CLIP2: variants seen among roughly 807,000 people sequenced by gnomAD.
CLIP2 encodes the protein CAP-Gly domain-containing linker protein 2.
Under a neutral mutation model 111.7 loss-of-function variants are expected in CLIP2, and 41 were observed. The observed-to-expected ratio is 0.37, with a 90% CI of 0.29 to 0.48. The LOEUF (loss-of-function observed/expected upper bound fraction) is 0.48. CLIP2 is among the 20% of genes least tolerant of loss of function. CLIP2 has a pLI of 0.99. For missense variants in CLIP2, 1,160 were observed against 1,422.1 expected (o/e 0.82, Z 2.96); for synonymous variants, 660 against 644.2 (o/e 1.02, Z -0.37).
At chr7:74,377,314 GCCAA>G (rs1405284108) in intron 10 of CLIP2, among the ~76,000 whole-genome samples, 1 of 152,246 alleles carries the variant, frequency 6.6e-6, no homozygotes, top group African/African-American at 2.4e-5. Context: ...TAGCAACGGT[GCCAA>G]CGAGTACTTC....
intron 1 of CLIP2, among the ~76,000 whole-genome samples, chr7:74,293,977 C>T (rs1436279128): frequency 1.3e-5 from 2 of 151,604 alleles, no homozygotes; most frequent in African/African-American, 2.4e-5. Flanking sequence ...AGTGCAGTGG[C>T]ATGATCTCAG....
intron 1 of CLIP2, among the ~76,000 whole-genome samples, chr7:74,305,659 A>G (rs555163340): frequency 3.2e-4 from 48 of 152,104 alleles, no homozygotes; most frequent in Middle Eastern, 3.4e-3. Context: ...ACGCCCAGCT[A>G]ATTTTTCTAT....
chr7:74,387,982 G>A (rs1468479186), intron 12 of CLIP2, among the ~76,000 whole-genome samples: 1 of 152,120 alleles, frequency 6.6e-6, no homozygotes, highest in African/African-American at 2.4e-5. Context: ...GAGGCCAGGG[G>A]TTCGAGACCA....
intron 1 of CLIP2, among the ~76,000 whole-genome samples, chr7:74,298,356 G>GT (rs35535113): frequency 0.031 from 3,342 of 109,568 alleles, 78 homozygotes; most frequent in African/African-American, 0.055. Flanking sequence ...CTGCTAATTG[G>GT]TTTTTTTTTT....
chr7:74,297,432 G>C (rs1328536308), intron 1 of CLIP2, among the ~76,000 whole-genome samples: 1 of 151,892 alleles, frequency 6.6e-6, no homozygotes, highest in Admixed American at 6.6e-5. Flanking sequence ...AGCCATGATT[G>C]TGCTACCACC....
At chr7:74,378,870 A>T (rs1406298607) in intron 10 of CLIP2, among the ~76,000 whole-genome samples, 9 of 152,144 alleles carry the variant, frequency 5.9e-5, no homozygotes, top group Non-Finnish European at 1.5e-5. Context: ...GGTCCCTTGT[A>T]ATGGCCTTCC....
intron 12 of CLIP2, among the ~76,000 whole-genome samples, chr7:74,386,905 C>T (rs1228379456): frequency 6.6e-6 from 1 of 151,878 alleles, no homozygotes; most frequent in Non-Finnish European, 1.5e-5. Context: ...CACCTGTAAT[C>T]CCAGCTACTC....
intron 1 of CLIP2, among the ~76,000 whole-genome samples, chr7:74,315,814 C>T (rs549687044): frequency 2.0e-5 from 3 of 151,926 alleles, no homozygotes; most frequent in Non-Finnish European, 1.5e-5. Context: ...TCAGGTGATC[C>T]GCCCACCTCA....
Position 74,327,780 on chromosome 7 carries a change from C to T in CLIP2, c.121+10113C>T, listed in dbSNP as rs183894826. Among the ~76,000 whole-genome samples, 353 of 152,200 alleles carry T rather than the reference C, an allele frequency of 2.3e-3. 4 individuals are homozygous for T. Among genetic ancestry groups the T allele is most frequent in the African/African-American group, 5.3e-3 (220 of 41,528 alleles). The stretch of plus-strand genomic sequence containing the variant: ...CTGACGTGGTCCAGGATCGATCTGA[C>T]GGGGCGGGGGTCCGGCTGCCAGCAC... On this transcript the variant is annotated intron_variant, in intron 2 of 16. Coordinates refer to ENST00000223398, the MANE Select transcript of CLIP2 (RefSeq NM_003388.5).
chr7:74,373,359 G>A (rs1235410250), intron 9 of CLIP2, among the ~76,000 whole-genome samples: 5 of 152,132 alleles, frequency 3.3e-5, no homozygotes, highest in African/African-American at 7.2e-5. Flanking sequence ...TTAGCTGGGC[G>A]TGGTGGCTCA....
intron 1 of CLIP2, among the ~76,000 whole-genome samples, chr7:74,310,678 G>C (rs1269720052): frequency 6.6e-6 from 1 of 151,876 alleles, no homozygotes; most frequent in African/African-American, 2.4e-5. Flanking sequence ...TGCTTCTCTT[G>C]GGTGGTTGGG....
intron 16 of CLIP2, chr7:74,401,785 G>A (rs1488973401): frequency 1.2e-5 from 8 of 669,694 alleles, no homozygotes; most frequent in Non-Finnish European, 1.9e-5. Context: ...AAAGTTATAG[G>A]TTGGGCGCAG....
In CLIP2 at chr7:74,329,116, C is replaced by T. The variant is rs1253334039; in HGVS notation, c.122-9332C>T. ...TTTTTTTTTTTTTTTTTAGTAGAGA[C>T]GAGGTTTCACTGTGTTAGCCAGGAT... On this transcript the variant is annotated intron_variant, in intron 2 of 16. Transcript: ENST00000223398. Among the ~76,000 whole-genome samples the T allele has an allele frequency of 6.5e-5, 8 of 123,866 alleles. No individual in the cohort carries two copies. In the East Asian group the frequency reaches 9.6e-4, roughly 15 times the overall value. The allele number at this position is 123,866 out of a possible 152,430, so 81.3% of individuals were successfully genotyped here. A position where few individuals can be genotyped will look rare whatever the true frequency, so the allele number is the denominator to read the frequency against.
At chr7:74,316,581 G>A (rs1200733500) in intron 1 of CLIP2, among the ~76,000 whole-genome samples, 1 of 146,750 alleles carries the variant, frequency 6.8e-6, no homozygotes, top group African/African-American at 2.5e-5. Flanking sequence ...TTTCTTTTGA[G>A]ACAAGAGTCT....
chr7:74,316,940 G>T (rs1788792285), intron 1 of CLIP2, among the ~76,000 whole-genome samples: 1 of 152,034 alleles, frequency 6.6e-6, no homozygotes, highest in African/African-American at 2.4e-5. Flanking sequence ...CCAGGCTGGA[G>T]TGCCCTGGAG....
At chr7:74,373,820 A>G (rs143850632) in intron 9 of CLIP2, among the ~76,000 whole-genome samples, 2,237 of 152,130 alleles carry the variant, frequency 0.015, 59 homozygotes, top group African/African-American at 0.051. Flanking sequence ...TCTGGCCCAG[A>G]GAGCCTGAAA....
chr7:74,299,574 G>A (rs1788268054), intron 1 of CLIP2, among the ~76,000 whole-genome samples: 1 of 152,176 alleles, frequency 6.6e-6, no homozygotes, highest in Admixed American at 6.5e-5. Flanking sequence ...TCTGGCTGGG[G>A]CCGCTTATGC....
At chr7:74,398,029 G>A (rs1562732050) in intron 14 of CLIP2, among the ~76,000 whole-genome samples, 1 of 151,916 alleles carries the variant, frequency 6.6e-6, no homozygotes, top group Non-Finnish European at 1.5e-5. Flanking sequence ...ACGGGTTGGG[G>A]TAGGCAGGTG....
intron 1 of CLIP2, among the ~76,000 whole-genome samples, chr7:74,300,704 C>T (rs535331008): frequency 6.6e-6 from 1 of 152,322 alleles, no homozygotes; most frequent in African/African-American, 2.4e-5. Context: ...GATCCACCCG[C>T]CTCGGCCTCC....
Sources: gnomAD v4.1 joint callset for allele counts (sites outside exome capture counted in the v4.1 genomes callset) on GRCh38, gnomAD v4.1.1 for gene constraint, MANE v1.5 for transcripts, NCBI Gene and HGNC (gene_info 2026-07-23, HGNC 2026-07-21) for gene names.